COP1: variants seen among roughly 807,000 people sequenced by gnomAD.
COP1 encodes the protein E3 ubiquitin-protein ligase COP1.
COP1 carries 24 observed loss-of-function variants against 101.3 expected under a neutral mutation model. The observed-to-expected ratio is 0.24, with a 90% confidence interval of 0.17 to 0.33. The LOEUF (loss-of-function observed/expected upper bound fraction) is 0.33, where lower values mean the gene tolerates loss of function less well. COP1 is among the 10% of genes least tolerant of loss of function. The pLI is 1.00. For missense variants in COP1, 663 were observed against 906.2 expected, an observed-to-expected ratio of 0.73 and a Z score of 3.45; for synonymous variants, 347 against 341.9, an observed-to-expected ratio of 1.01 and a Z score of -0.17.
chr1:176,127,196 TTTC>T (rs1314230370), intron 8 of COP1, among the ~76,000 whole-genome samples: 1 of 152,150 alleles, frequency 6.6e-6, no homozygotes, highest in African/African-American at 2.4e-5. Flanking sequence ...ACCTCAAATA[TTTC>T]TTCTGAGAAC....
chr1:176,114,018 C>A (rs913684371), intron 9 of COP1, among the ~76,000 whole-genome samples: 6 of 148,208 alleles, frequency 4.0e-5, no homozygotes, highest in African/African-American at 1.5e-4. Flanking sequence ...ATGGAGTGAT[C>A]TTGCTTTTTG....
chr1:176,007,040 G>C (rs1184288292), intron 15 of COP1, among the ~76,000 whole-genome samples: 1 of 152,048 alleles, frequency 6.6e-6, no homozygotes, highest in Non-Finnish European at 1.5e-5. Context: ...TGGAGGCTTT[G>C]CTCATTTCTT....
intron 8 of COP1, among the ~76,000 whole-genome samples, chr1:176,133,400 C>T (rs1339553744): frequency 6.6e-6 from 1 of 151,402 alleles, no homozygotes; most frequent in Admixed American, 6.6e-5. Flanking sequence ...TCTTTATGTG[C>T]TCTATTATTT....
intron 1 of COP1, among the ~76,000 whole-genome samples, chr1:176,195,086 CAAA>C (rs942960257): frequency 4.1e-5 from 5 of 120,886 alleles, no homozygotes; most frequent in Non-Finnish European, 4.8e-5. Flanking sequence ...GACCCTGTCT[CAAA>C]GAAGAGAAGA....
rs1490201266 is a variant in COP1 at position 176,184,493 on chromosome 1, T to A, written c.467+140A>T. 4.6e-6 allele frequency: 3 copies of A among 650,264 alleles called. No homozygotes were observed. In the Admixed American group the frequency reaches 7.9e-5, roughly 17 times the overall value. 40.3% of individuals were successfully genotyped at this position (650,264 alleles called of 1,614,324 possible). A position where few individuals can be genotyped will look rare whatever the true frequency, so the allele number is the denominator to read the frequency against. On this transcript the variant is annotated intron_variant, in intron 2 of 19. Coordinates refer to ENST00000367669, the MANE Select transcript of COP1 (RefSeq NM_022457.7). Reference sequence around the variant, plus strand: ...ATGTTAACAGCCTTAAACTGCCACATCTACAAAGACATGTCAAGAAAAAAA... The same window carrying A: ...ATGTTAACAGCCTTAAACTGCCACAACTACAAAGACATGTCAAGAAAAAAA...
At chr1:176,134,519 TTAA>T (rs1489325927) in intron 8 of COP1, among the ~76,000 whole-genome samples, 2 of 151,908 alleles carry the variant, frequency 1.3e-5, no homozygotes, top group Non-Finnish European at 2.9e-5. Context: ...TATAGAAGAA[TTAA>T]TAATAAGTAG....
chr1:176,196,178 C>A (rs1249150026), intron 1 of COP1, among the ~76,000 whole-genome samples: 2 of 151,978 alleles, frequency 1.3e-5, no homozygotes, highest in Admixed American at 1.3e-4. Context: ...GGCCAAAAAT[C>A]AATGATCTAA....
chr1:176,129,551 G>C (rs905915067), intron 8 of COP1, among the ~76,000 whole-genome samples: 3 of 151,796 alleles, frequency 2.0e-5, no homozygotes, highest in African/African-American at 7.2e-5. Context: ...CTTGTATTTT[G>C]TACTACATTT....
intron 9 of COP1, among the ~76,000 whole-genome samples, chr1:176,101,466 C>T (rs540911643): frequency 2.0e-5 from 3 of 152,220 alleles, no homozygotes; most frequent in South Asian, 2.1e-4. Flanking sequence ...GATAAGTAAT[C>T]GTGTCTTTGT....
At chr1:176,130,372 T>A (rs546767871) in intron 8 of COP1, among the ~76,000 whole-genome samples, 1 of 151,860 alleles carries the variant, frequency 6.6e-6, no homozygotes, top group African/African-American at 2.4e-5. Flanking sequence ...AATTTTCTCA[T>A]TATTTCACAC....
At chr1:176,087,955 G>A (rs551158397) in intron 9 of COP1, among the ~76,000 whole-genome samples, 1 of 152,240 alleles carries the variant, frequency 6.6e-6, no homozygotes, top group African/African-American at 2.4e-5. Flanking sequence ...GTCCTTTGTA[G>A]CGACATGGAT....
At chr1:176,145,780 A>T (rs1691499723) in intron 6 of COP1, among the ~76,000 whole-genome samples, 1 of 152,186 alleles carries the variant, frequency 6.6e-6, no homozygotes. Flanking sequence ...TCAAAAACAG[A>T]GAGACCTATG....
intron 15 of COP1, among the ~76,000 whole-genome samples, chr1:176,017,823 A>G (rs1246229387): frequency 2.0e-5 from 3 of 151,838 alleles, no homozygotes; most frequent in African/African-American, 7.3e-5. Context: ...CTGTGCCCAG[A>G]CTCATTATTA....
intron 5 of COP1, among the ~76,000 whole-genome samples, chr1:176,160,971 G>A (rs1321116195): frequency 6.6e-6 from 1 of 152,128 alleles, no homozygotes; most frequent in Non-Finnish European, 1.5e-5. Context: ...GATTCCAACT[G>A]CTTCTTAAAC....
chr1:176,102,046 T>C (rs1464770698), intron 9 of COP1, among the ~76,000 whole-genome samples: 2 of 152,036 alleles, frequency 1.3e-5, no homozygotes, highest in African/African-American at 4.8e-5. Flanking sequence ...AGACTGCCCA[T>C]CCTGGATGAA....
At chr1:176,058,769 AAAAG>A (rs1263485150) in intron 11 of COP1, among the ~76,000 whole-genome samples, 1 of 152,024 alleles carries the variant, frequency 6.6e-6, no homozygotes, top group Non-Finnish European at 1.5e-5. Context: ...AAAAAAAAAA[AAAAG>A]AATGTGACCT....
intron 3 of COP1, among the ~76,000 whole-genome samples, chr1:176,171,475 C>T (rs1340129256): frequency 2.0e-5 from 3 of 152,172 alleles, no homozygotes; most frequent in African/African-American, 4.8e-5. Context: ...TTCTCCATAT[C>T]AGCAATAAGC....
At chr1:176,072,082 A>G (rs1315496092) in intron 11 of COP1, among the ~76,000 whole-genome samples, 1 of 152,222 alleles carries the variant, frequency 6.6e-6, no homozygotes, top group Non-Finnish European at 1.5e-5. Flanking sequence ...TTGAATTACC[A>G]TAGAAGTAGA....
chr1:176,137,698 C>T (rs1046271587), intron 6 of COP1, among the ~76,000 whole-genome samples: 3 of 152,060 alleles, frequency 2.0e-5, no homozygotes, highest in African/African-American at 7.2e-5. Context: ...TTCTTTACTA[C>T]CTATTGAAAA....
Sources: gnomAD v4.1 joint callset for allele counts (sites outside exome capture counted in the v4.1 genomes callset) on GRCh38, gnomAD v4.1.1 for gene constraint, MANE v1.5 for transcripts, NCBI Gene and HGNC (gene_info 2026-07-23, HGNC 2026-07-21) for gene names.